Variants in HIP1 observed in about 807,000 individuals in gnomAD.
The protein encoded by HIP1 is huntingtin-interacting protein 1.
In HIP1, 65 loss-of-function variants were observed where a neutral mutation model predicts 147.6. That is an observed-to-expected ratio of 0.44 (90% CI 0.36 to 0.54). The LOEUF (loss-of-function observed/expected upper bound fraction) is 0.54, where lower values mean the gene tolerates loss of function less well. HIP1 is among the 20% of genes least tolerant of loss of function. The pLI is 0.00. For missense variants in HIP1, 1,061 were observed against 1,299.6 expected, an observed-to-expected ratio of 0.82 and a Z score of 2.82; for synonymous variants, 479 against 504.0, an observed-to-expected ratio of 0.95 and a Z score of 0.67.
chr7:75,633,458 A>G (rs1296345553), intron 1 of HIP1, among the ~76,000 whole-genome samples: 1 of 151,846 alleles, frequency 6.6e-6, no homozygotes, highest in Non-Finnish European at 1.5e-5. Context: ...TCACCTGGCT[A>G]ATTTTTGTAT....
At chr7:75,576,733 G>T (rs926363715) in intron 7 of HIP1, among the ~76,000 whole-genome samples, 1 of 151,964 alleles carries the variant, frequency 6.6e-6, no homozygotes, top group Non-Finnish European at 1.5e-5. Context: ...CAAAAAAAAC[G>T]CCCCAGGTAG....
At chr7:75,554,717 T>G (rs1391601630) in intron 19 of HIP1, among the ~76,000 whole-genome samples, 191 bp from the exon 20 acceptor site, 2 of 152,074 alleles carry the variant, frequency 1.3e-5, no homozygotes, top group African/African-American at 4.8e-5. Flanking sequence ...CTGCTCCTGG[T>G]GGGTGTTTTA....
At chr7:75,634,533 T>C (rs1187232251) in intron 1 of HIP1, among the ~76,000 whole-genome samples, 3 of 152,248 alleles carry the variant, frequency 2.0e-5, no homozygotes, top group Admixed American at 6.5e-5. Context: ...CGGTATGGAA[T>C]ATCAGATGTC....
At chr7:75,589,472 G>A (rs1018972207) in intron 4 of HIP1, among the ~76,000 whole-genome samples, 1 of 151,746 alleles carries the variant, frequency 6.6e-6, no homozygotes, top group Non-Finnish European at 1.5e-5. Flanking sequence ...ATCACTTGAG[G>A]TCAGGAGTTC....
intron 1 of HIP1, chr7:75,654,778 C>T (rs775929866): frequency 1.3e-5 from 2 of 151,812 alleles, no homozygotes; most frequent in Non-Finnish European, 2.9e-5. Context: ...CCAGCGCTTT[C>T]GGAGGCCGAG....
At chr7:75,635,439 A>G (rs1269828384) in intron 1 of HIP1, among the ~76,000 whole-genome samples, 1 of 152,064 alleles carries the variant, frequency 6.6e-6, no homozygotes, top group East Asian at 1.9e-4. Flanking sequence ...TTAGTCGGGC[A>G]TGGTGGCGGG....
At chr7:75,706,473 CT>C (rs139655610) in intron 1 of HIP1, among the ~76,000 whole-genome samples, 81 of 138,116 alleles carry the variant, frequency 5.9e-4, no homozygotes, top group East Asian at 4.3e-3. Context: ...TATATATCTT[CT>C]TTTTTTTTAT....
intron 27 of HIP1, among the ~76,000 whole-genome samples, chr7:75,544,121 G>A (rs587630122): frequency 1.3e-3 from 189 of 143,838 alleles, no homozygotes; most frequent in African/African-American, 4.6e-3. Context: ...GCAGTGAGCT[G>A]AGATCACGCC....
chr7:75,587,289 C>T (rs1047133467), intron 4 of HIP1, among the ~76,000 whole-genome samples: 1 of 152,142 alleles, frequency 6.6e-6, no homozygotes, highest in Non-Finnish European at 1.5e-5. Context: ...ACCATATTGG[C>T]CAGACTAGTC....
rs1179602 is a variant in HIP1, at chr7:75,650,725, C to T, written c.121-51478G>A. On this transcript the variant is annotated intron_variant, in intron 1 of 30. Coordinates refer to ENST00000336926, the MANE Select transcript of HIP1 (RefSeq NM_005338.7). ...GATTACAGGCGTGAGCCACCATACC[C>T]GGCTCTGCCCAGTTATCTCCAAAGC... is the stretch of plus-strand genomic sequence containing the variant. Among the ~76,000 whole-genome samples the T allele has an allele frequency of 8.0e-3, 1,215 of 152,134 alleles. 18 individuals are homozygous for T. Among genetic ancestry groups the T allele is most frequent in the African/African-American group, 0.028 (1,148 of 41,502 alleles).
At chr7:75,588,259 CA>C (rs1186205105) in intron 4 of HIP1, among the ~76,000 whole-genome samples, 1 of 152,124 alleles carries the variant, frequency 6.6e-6, no homozygotes, top group East Asian at 1.9e-4. Flanking sequence ...GAATTCTCCA[CA>C]GATAAAATTC....
Position 75,688,077 on chromosome 7 carries a change from T to G in HIP1, c.120+50724A>C, listed in dbSNP as rs1019775834. 2.8e-4 allele frequency among the ~76,000 whole-genome samples: 43 copies of G among 152,082 alleles called. 1 individual carries two copies. In the East Asian group the frequency reaches 4.3e-3, roughly 15 times the overall value. ...GGCCACTTACCATCCCCTCCACACC[T>G]CAGCCACTAAACTCAGTCTACTTGT... On this transcript the variant is annotated intron_variant, in intron 1 of 30. Transcript: ENST00000336926.
At chr7:75,589,718 C>A (rs1259712237) in intron 4 of HIP1, among the ~76,000 whole-genome samples, 69 of 93,198 alleles carry the variant, frequency 7.4e-4, no homozygotes, top group South Asian at 1.8e-3. Context: ...AAAAAAAAGA[C>A]TTTTTTTTTG....
At chr7:75,573,663 G>T (rs1351352113) in intron 8 of HIP1, 98 bp downstream of exon 8, 6 of 1,242,490 alleles carry the variant, frequency 4.8e-6, no homozygotes, top group African/African-American at 3.0e-5. Context: ...ACAGCCAAAG[G>T]CACTGAGAAG....
chr7:75,617,533 C>T lies in HIP1; in HGVS notation c.121-18286G>A, dbSNP rs782081578. ...CGCCCAGCCTCAGCCTGGTTCCTTG[C>T]GTGAGTCTTGGTTTCTTGGTCTCCT... On this transcript the variant is annotated intron_variant, in intron 1 of 30. Coordinates refer to ENST00000336926, the MANE Select transcript of HIP1 (RefSeq NM_005338.7). Among the ~76,000 whole-genome samples, 11 of 152,170 alleles carry T rather than the reference C, an allele frequency of 7.2e-5. No homozygotes were observed. In the South Asian group the frequency reaches 1.2e-3, roughly 17 times the overall value.
chr7:75,645,474 G>T (rs1247034146), intron 1 of HIP1, among the ~76,000 whole-genome samples: 2 of 152,120 alleles, frequency 1.3e-5, no homozygotes, highest in Non-Finnish European at 1.5e-5. Flanking sequence ...TGATCTGCCT[G>T]CCTCGGCCTC....
chr7:75,562,492 G>A (rs923561613), intron 11 of HIP1, among the ~76,000 whole-genome samples: 2 of 151,782 alleles, frequency 1.3e-5, no homozygotes, highest in African/African-American at 2.4e-5. Flanking sequence ...ATATTTTTAG[G>A]GCCTGGTTCT....
intron 25 of HIP1, among the ~76,000 whole-genome samples, chr7:75,545,954 A>T (rs1794546804): frequency 6.6e-6 from 1 of 152,044 alleles, no homozygotes; most frequent in Non-Finnish European, 1.5e-5. Context: ...ACAAACAAAC[A>T]AGCAAACAAA....
intron 1 of HIP1, among the ~76,000 whole-genome samples, chr7:75,651,407 C>T (rs574592896): frequency 6.4e-4 from 79 of 124,228 alleles, no homozygotes; most frequent in African/African-American, 2.3e-3. Context: ...TGCAGTGAGC[C>T]AAGATTGTGC....
Sources: gnomAD v4.1 joint callset for allele counts (sites outside exome capture counted in the v4.1 genomes callset) on GRCh38, gnomAD v4.1.1 for gene constraint, MANE v1.5 for transcripts, NCBI Gene and HGNC (gene_info 2026-07-23, HGNC 2026-07-21) for gene names.